Variants in ADAMTSL1 observed in about 807,000 individuals in gnomAD.
ADAMTSL1 encodes the protein ADAMTS like 1.
ADAMTSL1 carries 126 observed loss-of-function variants against 201.8 expected under a neutral mutation model. The observed-to-expected ratio is 0.62, with a 90% CI of 0.54 to 0.72. The LOEUF (loss-of-function observed/expected upper bound fraction) is 0.72, where lower values mean the gene tolerates loss of function less well. ADAMTSL1 is among the 30% of genes least tolerant of loss of function. The pLI is 0.00. For missense variants in ADAMTSL1, 2,679 were observed against 2,277.8 expected (o/e 1.18, Z -3.59); for synonymous variants, 1,121 against 903.4 (o/e 1.24, Z -4.32).
intron 2 of ADAMTSL1, among the ~76,000 whole-genome samples, chr9:18,304,877 C>T (rs1427062131): frequency 1.3e-5 from 2 of 151,996 alleles, no homozygotes; most frequent in Non-Finnish European, 2.9e-5. Context: ...CTGTTTTATT[C>T]TAAGAAAATA....
intron 15 of ADAMTSL1, among the ~76,000 whole-genome samples, chr9:18,752,696 T>C (rs1326828121): frequency 6.6e-6 from 1 of 152,244 alleles, no homozygotes; most frequent in Admixed American, 6.5e-5. Context: ...CTCTTCACTT[T>C]ACTTCCCTTC....
chr9:17,970,112 C>A (rs984633990), intron 1 of ADAMTSL1, among the ~76,000 whole-genome samples: 1 of 151,904 alleles, frequency 6.6e-6, no homozygotes, highest in South Asian at 2.1e-4. Context: ...CTGATATTTT[C>A]CTCTTAATGG....
chr9:18,478,460 A>G (rs1821569946), intron 1 of ADAMTSL1, among the ~76,000 whole-genome samples: 1 of 152,224 alleles, frequency 6.6e-6, no homozygotes, highest in Non-Finnish European at 1.5e-5. Context: ...AATGAAGAGA[A>G]AAAATGACTT....
In ADAMTSL1 at chr9:18,669,079, G is replaced by C. The variant is rs528902365; in HGVS notation, c.1086-6778G>C. Among the ~76,000 whole-genome samples, 905 of 152,302 alleles carry C rather than the reference G, an allele frequency of 5.9e-3. 6 individuals carry two copies. The highest frequency in any genetic ancestry group is 9.4e-3 in the Non-Finnish European group (637 of 68,030). The stretch of plus-strand genomic sequence containing the variant: ...ATCCTTGTTCTGCATAATGCCTTAA[G>C]CAACCTATGAGATCTGGTTCCAGCC... On this transcript the variant is annotated intron_variant, in intron 9 of 28. Transcript: ENST00000380548.
chr9:18,490,255 G>T (rs568102305), intron 1 of ADAMTSL1, among the ~76,000 whole-genome samples: 7 of 152,202 alleles, frequency 4.6e-5, no homozygotes, highest in African/African-American at 9.6e-5. Context: ...CTGAATGGGG[G>T]CTCTAGCAGA....
intron 2 of ADAMTSL1, among the ~76,000 whole-genome samples, chr9:18,375,133 T>A (rs995023356): frequency 6.6e-5 from 10 of 152,204 alleles, no homozygotes; most frequent in Admixed American, 1.3e-4. Context: ...GTACACTCAC[T>A]CCTGACCAGA....
At chr9:18,862,141 C>T (rs1827253464) in intron 23 of ADAMTSL1, among the ~76,000 whole-genome samples, 1 of 152,134 alleles carries the variant, frequency 6.6e-6, no homozygotes, top group Non-Finnish European at 1.5e-5. Flanking sequence ...GGAATATTAG[C>T]CATTCTTCAT....
At chr9:18,775,603 C>T in intron 17 of ADAMTSL1, 140 bp from the exon 18 acceptor site, 3 of 1,142,124 alleles carry the variant, frequency 2.6e-6, no homozygotes, top group Non-Finnish European at 3.8e-6. Flanking sequence ...ACATTGTGAC[C>T]TCATAATTAG....
intron 1 of ADAMTSL1, among the ~76,000 whole-genome samples, chr9:18,118,393 C>T (rs1825355633): frequency 6.6e-6 from 1 of 152,160 alleles, no homozygotes; most frequent in Non-Finnish European, 1.5e-5. Flanking sequence ...TATCCAAGGA[C>T]ACAGGTCCAG....
intron 2 of ADAMTSL1, among the ~76,000 whole-genome samples, chr9:18,400,172 A>G (rs1186756771): frequency 6.6e-6 from 1 of 152,198 alleles, no homozygotes; most frequent in African/African-American, 2.4e-5. Flanking sequence ...CCTAGAACTT[A>G]AAGTATAATA....
chr9:18,536,294 G>A (rs148632369), intron 3 of ADAMTSL1, among the ~76,000 whole-genome samples: 87 of 152,140 alleles, frequency 5.7e-4, no homozygotes, highest in African/African-American at 2.0e-3. Context: ...TTAATCCCTG[G>A]ACAGCTTCCT....
intron 7 of ADAMTSL1, among the ~76,000 whole-genome samples, chr9:18,649,690 C>T (rs1015939723): frequency 6.6e-6 from 1 of 152,186 alleles, no homozygotes; most frequent in African/African-American, 2.4e-5. Context: ...GCAGCGGTGT[C>T]TACAGAACTG....
chr9:17,954,576 G>T (rs868319089), intron 1 of ADAMTSL1, among the ~76,000 whole-genome samples: 26 of 152,144 alleles, frequency 1.7e-4, no homozygotes, highest in African/African-American at 5.6e-4. Context: ...CTGATAAAAA[G>T]CTCAAGGGGT....
chr9:18,429,301 C>G (rs1479156248), intron 2 of ADAMTSL1, among the ~76,000 whole-genome samples: 1 of 152,070 alleles, frequency 6.6e-6, no homozygotes, highest in African/African-American at 2.4e-5. Context: ...TTTACCCATA[C>G]TTTTGCACAA....
chr9:18,463,164 G>A (rs1308897093), intron 2 of ADAMTSL1, among the ~76,000 whole-genome samples: 1 of 152,088 alleles, frequency 6.6e-6, no homozygotes, highest in Admixed American at 6.5e-5. Flanking sequence ...TGTTGAAGTA[G>A]CATTGGTAAA....
At chr9:18,343,839 C>A (rs974253819) in intron 2 of ADAMTSL1, among the ~76,000 whole-genome samples, 1 of 152,042 alleles carries the variant, frequency 6.6e-6, no homozygotes, top group African/African-American at 2.4e-5. Flanking sequence ...GATTCTACAG[C>A]AGGTACTCCA....
At chr9:18,015,289 A>C (rs998459562) in intron 1 of ADAMTSL1, among the ~76,000 whole-genome samples, 2 of 152,058 alleles carry the variant, frequency 1.3e-5, no homozygotes, top group Non-Finnish European at 2.9e-5. Flanking sequence ...GAAAGATGGT[A>C]AATGGCCTGA....
At chr9:17,925,564 A>T (rs1188408307) in intron 1 of ADAMTSL1, among the ~76,000 whole-genome samples, 2 of 112,566 alleles carry the variant, frequency 1.8e-5, no homozygotes, top group Non-Finnish European at 3.8e-5. Flanking sequence ...AGGGACATGG[A>T]TGACATTGGA....
At chr9:18,127,446 T>C (rs1825779979) in intron 1 of ADAMTSL1, among the ~76,000 whole-genome samples, 1 of 150,718 alleles carries the variant, frequency 6.6e-6, no homozygotes, top group Admixed American at 6.6e-5. Context: ...TGTGTGGATC[T>C]GTGTGTGGGG....
Sources: allele counts gnomAD v4.1 joint callset (sites outside exome capture counted in the v4.1 genomes callset), GRCh38; gene constraint gnomAD v4.1.1; transcripts MANE v1.5; gene names NCBI Gene and HGNC (gene_info 2026-07-23, HGNC 2026-07-21).